Variants in PLXDC2 observed in about 807,000 individuals in gnomAD.
PLXDC2 encodes the protein plexin domain containing 2.
PLXDC2 carries 40 observed loss-of-function variants against 68.9 expected under a neutral mutation model. That is an observed-to-expected ratio of 0.58 (90% CI 0.45 to 0.76). PLXDC2 has a LOEUF of 0.76. Among genes scored for constraint, PLXDC2 ranks in the 30% least tolerant of loss-of-function variants. PLXDC2 has a pLI of 0.00. For synonymous variants in PLXDC2, 243 were observed against 234.2 expected (o/e 1.04, Z -0.34); for missense variants, 644 against 661.9 (o/e 0.97, Z 0.30).
intron 1 of PLXDC2, among the ~76,000 whole-genome samples, chr10:19,832,246 A>C (rs1836708072): frequency 6.6e-6 from 1 of 152,212 alleles, no homozygotes. Flanking sequence ...CTCTTAATTT[A>C]AAAATTGTTG....
chr10:20,258,541 A>G (rs1429484700), intron 13 of PLXDC2, among the ~76,000 whole-genome samples: 1 of 152,194 alleles, frequency 6.6e-6, no homozygotes, highest in Non-Finnish European at 1.5e-5. Context: ...ATCTGTGATC[A>G]TCAATATCTT....
chr10:20,003,619 A>T (rs533913800), intron 2 of PLXDC2, among the ~76,000 whole-genome samples: 159 of 152,182 alleles, frequency 1.0e-3, no homozygotes, highest in Middle Eastern at 0.01. Context: ...TTTAGTAAGG[A>T]CGGGGTTTCA....
chr10:20,058,054 G>C (rs1020175604), intron 3 of PLXDC2, among the ~76,000 whole-genome samples: 1 of 151,816 alleles, frequency 6.6e-6, no homozygotes. Flanking sequence ...AATTGAACTT[G>C]GTCTAACTTT....
rs1564293876 is a variant in PLXDC2 at position 20,044,213 on chromosome 10, CTTTCTTTCTT to C, written c.325-2654_325-2645del. ...TCTTTCTCTCTCTCTCTCTCTCTGT[CTTTCTTTCTT>C]TCTTTCTTTCTTTCTTTCTTTCTTT... is the stretch of plus-strand genomic sequence containing the variant. On this transcript the variant is annotated intron_variant, in intron 2 of 13. Coordinates refer to ENST00000377252, the MANE Select transcript of PLXDC2 (RefSeq NM_032812.9). Among the ~76,000 whole-genome samples, 30 of 6,618 alleles carry C rather than the reference CTTTCTTTCTT, an allele frequency of 4.5e-3. 1 individual carries two copies. Among genetic ancestry groups the C allele is most frequent in the East Asian group, 0.015 (2 of 134 alleles). 4.3% of individuals were successfully genotyped at this position (6,618 alleles called of 152,430 possible). A position where few individuals can be genotyped will look rare whatever the true frequency, so the allele number is the denominator to read the frequency against.
chr10:20,164,415 C>G (rs1480149273), intron 6 of PLXDC2, 53 bp from the exon 7 acceptor site: 1 of 1,389,104 alleles, frequency 7.2e-7, no homozygotes, highest in East Asian at 2.3e-5. Context: ...TACCTTTCCT[C>G]CCTGTATGAA....
chr10:20,063,509 A>T (rs1393911739), intron 3 of PLXDC2, among the ~76,000 whole-genome samples: 1 of 152,194 alleles, frequency 6.6e-6, no homozygotes, highest in Non-Finnish European at 1.5e-5. Context: ...TAATTAATTC[A>T]TCCTTGCAAT....
chr10:20,048,278 T>C (rs1835832527), intron 3 of PLXDC2, among the ~76,000 whole-genome samples: 1 of 152,086 alleles, frequency 6.6e-6, no homozygotes, highest in Non-Finnish European at 1.5e-5. Flanking sequence ...TAGTATACCA[T>C]GATGATTCAC....
chr10:20,171,302 A>G (rs1834443285), intron 7 of PLXDC2, among the ~76,000 whole-genome samples: 1 of 152,160 alleles, frequency 6.6e-6, no homozygotes, highest in Non-Finnish European at 1.5e-5. Context: ...TCTCCAGTAA[A>G]TTATGTCATC....
chr10:19,873,708 A>G (rs994289507), intron 1 of PLXDC2, among the ~76,000 whole-genome samples: 4 of 152,230 alleles, frequency 2.6e-5, no homozygotes, highest in Non-Finnish European at 4.4e-5. Flanking sequence ...ATAAAACGTT[A>G]TATAAAGTTT....
At chr10:20,261,855 AAATAAT>A (rs34676534) in intron 13 of PLXDC2, among the ~76,000 whole-genome samples, 27 of 151,212 alleles carry the variant, frequency 1.8e-4, no homozygotes, top group African/African-American at 5.3e-4. Context: ...ACTCCATCTC[AAATAAT>A]AATAATAATA....
chr10:20,169,296 A>G (rs1221186138), intron 7 of PLXDC2, among the ~76,000 whole-genome samples: 1 of 152,164 alleles, frequency 6.6e-6, no homozygotes, highest in African/African-American at 2.4e-5. Context: ...GAAATATCCC[A>G]TTTCCCAAAG....
At chr10:19,906,289 C>T (rs577358438) in intron 1 of PLXDC2, among the ~76,000 whole-genome samples, 9 of 152,258 alleles carry the variant, frequency 5.9e-5, no homozygotes, top group African/African-American at 2.2e-4. Flanking sequence ...TAGTTTGTTA[C>T]TCACAGATCC....
At chr10:20,099,845 A>G (rs1292125255) in intron 4 of PLXDC2, among the ~76,000 whole-genome samples, 1 of 152,154 alleles carries the variant, frequency 6.6e-6, no homozygotes, top group East Asian at 1.9e-4. Flanking sequence ...TTAGTAATTC[A>G]TTTTAAAGTA....
chr10:19,867,821 C>A (rs1181969746), intron 1 of PLXDC2, among the ~76,000 whole-genome samples: 7 of 151,920 alleles, frequency 4.6e-5, no homozygotes, highest in Non-Finnish European at 4.4e-5. Context: ...TTGGAAACTG[C>A]AGAAAAAAAT....
intron 4 of PLXDC2, among the ~76,000 whole-genome samples, chr10:20,069,964 A>T (rs1386722469): frequency 6.6e-6 from 1 of 152,216 alleles, no homozygotes; most frequent in Non-Finnish European, 1.5e-5. Context: ...TTGTTGTTCA[A>T]AGTTTTTCTT....
Position 20,176,749 on chromosome 10 carries a change from G to A in PLXDC2, c.884-250G>A, listed in dbSNP as rs145581428. 6.2e-3 allele frequency among the ~76,000 whole-genome samples: 942 copies of A among 152,178 alleles called. 10 individuals are homozygous for A. The highest frequency in any genetic ancestry group is 0.021 in the African/African-American group (893 of 41,538). On this transcript the variant is annotated intron_variant, in intron 7 of 13. Transcript: ENST00000377252. ...TTTAGTATAGTCTGAGTGAGAATGAGTCGAAGCCTTAATAGGTAAGTGAGA... is the reference window on the plus strand; with the variant it reads ...TTTAGTATAGTCTGAGTGAGAATGAATCGAAGCCTTAATAGGTAAGTGAGA...
chr10:19,937,544 G>GTGTATATATATATATATATATATATA (rs1283000294), intron 1 of PLXDC2, among the ~76,000 whole-genome samples: 1 of 95,968 alleles, frequency 1.0e-5, no homozygotes, highest in Non-Finnish European at 2.0e-5. Flanking sequence ...TATAGTCAAT[G>GTGTATATATATATATATATATATATA]TATATATATA....
chr10:20,232,817 ATATACAG>A (rs1835382892), intron 12 of PLXDC2, among the ~76,000 whole-genome samples: 1 of 152,200 alleles, frequency 6.6e-6, no homozygotes, highest in African/African-American at 2.4e-5. Context: ...GTTACTTGGT[ATATACAG>A]TTATAAAAAT....
chr10:19,968,561 C>T (rs1834302256), intron 1 of PLXDC2, among the ~76,000 whole-genome samples: 1 of 152,130 alleles, frequency 6.6e-6, no homozygotes, highest in African/African-American at 2.4e-5. Flanking sequence ...GATACACCTG[C>T]CTTGGCCGCC....
Sources: gnomAD v4.1 joint callset for allele counts (sites outside exome capture counted in the v4.1 genomes callset) on GRCh38, gnomAD v4.1.1 for gene constraint, MANE v1.5 for transcripts, NCBI Gene and HGNC (gene_info 2026-07-23, HGNC 2026-07-21) for gene names.